Variants in AGO2 observed in about 807,000 individuals in gnomAD.
The protein encoded by AGO2 is protein argonaute-2.
Under a neutral mutation model 102.3 loss-of-function variants are expected in AGO2, and 5 were observed. The observed-to-expected ratio is 0.05, with a 90% CI of 0.03 to 0.10. The LOEUF (loss-of-function observed/expected upper bound fraction) is 0.10. AGO2 is among the 10% of genes least tolerant of loss of function. The pLI, the probability that AGO2 is intolerant of heterozygous loss-of-function variation, is 1.00. For synonymous variants in AGO2, 449 were observed against 473.1 expected (o/e 0.95, Z 0.66); for missense variants, 541 against 1,183.7 (o/e 0.46, Z 7.97).
In AGO2 at chr8:140,585,303, G is replaced by A. The variant is rs140980738; in HGVS notation, c.31C>T (p.Pro11Ser). The A allele has an allele frequency of 3.8e-5, 62 of 1,613,656 alleles. No individual in the cohort carries two copies. The highest frequency in any genetic ancestry group is 5.0e-5 in the Non-Finnish European group (59 of 1,179,838). ...TGGATGGGGGGCGGCGGCGCAGGAGGTGCAAGTGCTGGAATGGCAGAGAGA... is the reference window on the plus strand; with the variant it reads ...TGGATGGGGGGCGGCGGCGCAGGAGATGCAAGTGCTGGAATGGCAGAGAGA... MYSGAGPALAPPAPPPPIQGY... is the reference protein window; with the variant it reads MYSGAGPALASPAPPPPIQGY... Residue 11 changes from proline (P) to serine (S), a missense_variant, in exon 2 of 19, where the codon CCT becomes TCT. Coordinates refer to ENST00000220592, the MANE Select transcript of AGO2 (RefSeq NM_012154.5).
At chr8:140,578,495 C>T (rs982969537) in intron 2 of AGO2, among the ~76,000 whole-genome samples, 7 of 152,214 alleles carry the variant, frequency 4.6e-5, no homozygotes, top group Non-Finnish European at 8.8e-5. Flanking sequence ...CGCGGAGTCC[C>T]TGAATCTGGT....
rs544495205 is a variant in AGO2 at position 140,555,878 on chromosome 8, C to T, written c.1269+18G>A. 1.9e-6 allele frequency: 3 copies of T among 1,609,622 alleles called. No individual in the cohort carries two copies. In the Admixed American group the frequency reaches 5.0e-5, roughly 27 times the overall value. ...GACATGCCCCGCAGCCACACGTTCC[C>T]CGCCGCCCCACACGTACCCTGCCCC... On this transcript the variant is annotated intron_variant, in intron 10 of 18. Transcript: ENST00000220592.
chr8:140,616,076 G>A (rs1276190953), intron 1 of AGO2, among the ~76,000 whole-genome samples: 2 of 152,202 alleles, frequency 1.3e-5, no homozygotes, highest in African/African-American at 4.8e-5. Context: ...GGTTTGCACT[G>A]AGTCTTCCAC....
chr8:140,566,592 C>G (rs865902535), intron 3 of AGO2, among the ~76,000 whole-genome samples: 13 of 151,278 alleles, frequency 8.6e-5, no homozygotes, highest in African/African-American at 3.2e-4. Context: ...CTGGTTCCCC[C>G]CTTTACTTTC....
intron 1 of AGO2, among the ~76,000 whole-genome samples, chr8:140,590,960 A>G (rs1167910574): frequency 6.6e-6 from 1 of 152,112 alleles, no homozygotes; most frequent in East Asian, 1.9e-4. Flanking sequence ...GGATGTAGCC[A>G]TCCACCACTG....
upstream of AGO2, chr8:140,637,890 G>C (rs1170330548): frequency 6.6e-6 from 1 of 152,244 alleles, no homozygotes; most frequent in East Asian, 1.9e-4. Flanking sequence ...TGTGCGTCTC[G>C]GTGCTTGCTG....
Position 140,531,931 on chromosome 8 carries a change from T to C in AGO2, c.*113A>G. 1 of 888,598 alleles carries C rather than the reference T, an allele frequency of 1.1e-6. No individual in the cohort carries two copies. Among genetic ancestry groups the C allele is most frequent in the Non-Finnish European group, 1.8e-6 (1 of 561,752 alleles). 55.0% of individuals were successfully genotyped at this position (888,598 alleles called of 1,614,324 possible). On this transcript the variant is annotated 3_prime_UTR_variant, in exon 19 of 19. Transcript: ENST00000220592. ...AAAACGGAGAATCTAATAAAATCAA[T>C]GACGTCTCATGTTCGATGCTGGCTG...
intron 7 of AGO2, 135 bp downstream of exon 7, chr8:140,558,350 A>G: frequency 1.1e-6 from 1 of 907,272 alleles, no homozygotes; most frequent in Non-Finnish European, 1.8e-6. Context: ...CATGTAAGGG[A>G]CAATTTTGGG....
At chr8:140,587,695 G>A (rs1161591622) in intron 1 of AGO2, among the ~76,000 whole-genome samples, 1 of 152,244 alleles carries the variant, frequency 6.6e-6, no homozygotes, top group Non-Finnish European at 1.5e-5. Context: ...GCACCAAGGT[G>A]TGGACCACAT....
chr8:140,540,531 C>T lies in AGO2; in HGVS notation c.2034+633G>A, dbSNP rs1475813410. Among the ~76,000 whole-genome samples the T allele has an allele frequency of 1.3e-5, 2 of 152,202 alleles. No individual in the cohort carries two copies. Among genetic ancestry groups the T allele is most frequent in the Non-Finnish European group, 2.9e-5 (2 of 68,028 alleles). On this transcript the variant is annotated intron_variant, in intron 15 of 18. Coordinates refer to ENST00000220592, the MANE Select transcript of AGO2 (RefSeq NM_012154.5). This position sits in a 1 kb window ranked among gnomAD's most constrained non-coding sequence, Gnocchi z 5.0. ...CCAGGCCAAGATGGACTCATTCCTG[C>T]CCACAGGTCACCTTGATCTGGGGGT...
rs1310308094 is a variant in AGO2 at position 140,590,000 on chromosome 8, C to T, written c.23-4689G>A. On this transcript the variant is annotated intron_variant, in intron 1 of 18. Transcript: ENST00000220592. This position sits in a 1 kb window ranked among gnomAD's most constrained non-coding sequence, Gnocchi z 4.2. ...GCTTTTTTGGTGAAATGGACAGAGA[C>T]GGTCTCAGAATGTGTGCTGGGAATG... Among the ~76,000 whole-genome samples the T allele has an allele frequency of 3.9e-5, 6 of 152,246 alleles. No individual in the cohort carries two copies. The highest frequency in any genetic ancestry group is 4.1e-4 in the South Asian group (2 of 4,832).
At chr8:140,612,816 T>A (rs909722079) in intron 1 of AGO2, among the ~76,000 whole-genome samples, 1 of 151,888 alleles carries the variant, frequency 6.6e-6, no homozygotes, top group Non-Finnish European at 1.5e-5. Context: ...CAAATACCCA[T>A]AATTATCTGA....
Position 140,557,697 on chromosome 8 carries a change from G to A in AGO2, c.879-461C>T, listed in dbSNP as rs1006235968. On this transcript the variant is annotated intron_variant, in intron 7 of 18. Transcript: ENST00000220592. This position sits in a 1 kb window ranked among gnomAD's most constrained non-coding sequence, Gnocchi z 5.9. The stretch of plus-strand genomic sequence containing the variant: ...GCAGGAGACGCCTGGGTGCAGTATG[G>A]GTGAGTGAGGGGGAGGCCCACAGGC... Among the ~76,000 whole-genome samples, 12 of 152,370 alleles carry A rather than the reference G, an allele frequency of 7.9e-5. 1 individual carries two copies. The highest frequency in any genetic ancestry group is 2.9e-4 in the African/African-American group (12 of 41,580).
chr8:140,604,251 C>T lies in AGO2; in HGVS notation c.23-18940G>A, dbSNP rs762164379. On this transcript the variant is annotated intron_variant, in intron 1 of 18. Coordinates refer to ENST00000220592, the MANE Select transcript of AGO2 (RefSeq NM_012154.5). ...TACTGTCGGAAAGTTAGAAGCACCA[C>T]GCTGGTCTCTGCTCAGTGGCACCTT... is the stretch of plus-strand genomic sequence containing the variant. Among the ~76,000 whole-genome samples, 4 of 152,172 alleles carry T rather than the reference C, an allele frequency of 2.6e-5. 1 individual carries two copies. The highest frequency in any genetic ancestry group is 4.1e-4 in the South Asian group (2 of 4,834).
At position 140,595,665 on chromosome 8, in the gene AGO2, T is replaced by TTA. The variant is rs1435554654; in HGVS notation, c.23-10356_23-10355dup. 1.3e-3 allele frequency among the ~76,000 whole-genome samples: 169 copies of TTA among 134,260 alleles called. 1 individual carries two copies. The highest frequency in any genetic ancestry group is 4.4e-3 in the African/African-American group (159 of 36,336). The allele number at this position is 134,260 out of a possible 152,430, so 88.1% of individuals were successfully genotyped here. A position where few individuals can be genotyped will look rare whatever the true frequency, so the allele number is the denominator to read the frequency against. On this transcript the variant is annotated intron_variant, in intron 1 of 18. Transcript: ENST00000220592. ...TTATTTATATGCCAGGCTATATATA[T>TTA]TATATATATAGCCTGGCATATAAAA...
intron 1 of AGO2, among the ~76,000 whole-genome samples, chr8:140,611,299 A>G (rs1172745947): frequency 6.6e-6 from 1 of 151,618 alleles, no homozygotes; most frequent in Admixed American, 6.6e-5. Flanking sequence ...AAAAAGCATC[A>G]AGTTTATTCC....
At chr8:140,588,815 A>G (rs921189457) in intron 1 of AGO2, among the ~76,000 whole-genome samples, 2 of 152,238 alleles carry the variant, frequency 1.3e-5, no homozygotes, top group Admixed American at 6.5e-5. Context: ...GGCCATACCC[A>G]TTCCTTAGAG....
intron 1 of AGO2, among the ~76,000 whole-genome samples, chr8:140,611,735 T>C (rs1319481457): frequency 1.3e-5 from 2 of 152,196 alleles, no homozygotes; most frequent in African/African-American, 4.8e-5. Flanking sequence ...CACTTGAGTG[T>C]GGCCTTTCGA....
intron 16 of AGO2, among the ~76,000 whole-genome samples, chr8:140,535,997 C>G (rs770912342): frequency 6.6e-6 from 1 of 152,216 alleles, no homozygotes; most frequent in African/African-American, 2.4e-5. Context: ...GCGCTCCAGG[C>G]AGAGGCGCTG....
Sources: allele counts gnomAD v4.1 joint callset (sites outside exome capture counted in the v4.1 genomes callset), GRCh38; gene constraint gnomAD v4.1.1; non-coding constraint Gnocchi (gnomAD v3.1); transcripts MANE v1.5; gene names NCBI Gene and HGNC (gene_info 2026-07-23, HGNC 2026-07-21).